Variants in CSNK1E observed in about 807,000 individuals in gnomAD.
CSNK1E encodes the protein casein kinase 1 epsilon.
In CSNK1E, 17 loss-of-function variants were observed where a neutral mutation model predicts 46.1. The ratio of observed to expected loss-of-function variants is 0.37; its 90% CI spans 0.25 to 0.55. CSNK1E has a LOEUF of 0.55. Ranked by LOEUF, CSNK1E falls within the 20% of genes least tolerant of loss-of-function variation. CSNK1E has a pLI of 0.82. For missense variants in CSNK1E, 386 were observed against 595.4 expected (o/e 0.65, Z 3.66); for synonymous variants, 241 against 242.6 (o/e 0.99, Z 0.06).
Position 38,302,216 on chromosome 22 carries a change from G to GCCAGA in CSNK1E, c.336+640_336+644dup, listed in dbSNP as rs139510031. On this transcript the variant is annotated intron_variant, in intron 4 of 10. Transcript: ENST00000396832. ...GCAGGCTTTACATTACCCAGGGCAGGCCAGACGTGGTGGATCATGCCTGTG... is the reference window on the plus strand; with the variant it reads ...GCAGGCTTTACATTACCCAGGGCAGGCCAGACCAGACGTGGTGGATCATGCCTGTG... 5.4e-3 allele frequency among the ~76,000 whole-genome samples: 800 copies of GCCAGA among 148,340 alleles called. 11 individuals are homozygous for GCCAGA. Among genetic ancestry groups the GCCAGA allele is most frequent in the African/African-American group, 0.019 (763 of 40,028 alleles).
chr22:38,310,367 G>T (rs1193628091), intron 2 of CSNK1E, among the ~76,000 whole-genome samples: 2 of 152,246 alleles, frequency 1.3e-5, no homozygotes, highest in East Asian at 3.9e-4. Context: ...CCACGGGCGT[G>T]GCCAGCCTCA....
In CSNK1E at chr22:38,294,460, T is replaced by A; in HGVS notation, c.960A>T (p.Leu320=). ...GCAGGGCTCGGGTCGCGGACCCCCG[T>A]AGCTGCCCCATCCTCTCCTCGCGTT... is the stretch of plus-strand genomic sequence containing the variant. The part of the protein sequence containing the change: ...EHEREERMGQ[L]RGSATRALPP... Residue 320 remains leucine (L), a synonymous_variant, in exon 8 of 11, where the codon CTA becomes CTT. Transcript: ENST00000396832. The surrounding 1 kb of genome is among the most constrained non-coding windows in gnomAD (Gnocchi z 5.5). 1 of 1,583,796 alleles carries A rather than the reference T, an allele frequency of 6.3e-7. No homozygotes were observed. The highest frequency in any genetic ancestry group is 8.6e-7 in the Non-Finnish European group (1 of 1,166,916).
chr22:38,304,553 G>A (rs2092689514), intron 2 of CSNK1E, among the ~76,000 whole-genome samples: 1 of 152,164 alleles, frequency 6.6e-6, no homozygotes, highest in African/African-American at 2.4e-5. Flanking sequence ...GGACACAGGA[G>A]CAAACAGCCC....
intron 9 of CSNK1E, 71 bp from the exon 10 acceptor site, chr22:38,293,390 A>T (rs1602538469): frequency 1.0e-6 from 1 of 964,160 alleles, no homozygotes; most frequent in East Asian, 2.4e-5. Flanking sequence ...CAAGTCCCTT[A>T]GCCGCTGGCG....
chr22:38,304,464 A>G (rs1194780904), intron 2 of CSNK1E, among the ~76,000 whole-genome samples: 1 of 152,142 alleles, frequency 6.6e-6, no homozygotes, highest in African/African-American at 2.4e-5. Context: ...GAACATAAAC[A>G]AACGCTCGCC....
chr22:38,304,620 C>T (rs896818213), intron 2 of CSNK1E, among the ~76,000 whole-genome samples: 9 of 152,104 alleles, frequency 5.9e-5, no homozygotes, highest in Admixed American at 4.6e-4. Flanking sequence ...GAATCCCAGG[C>T]GGCAGTGAAG....
In CSNK1E at chr22:38,294,177, C is replaced by T; in HGVS notation, c.1150G>A (p.Ala384Thr). 6.2e-7 allele frequency: 1 copy of T among 1,612,394 alleles called. No individual in the cohort carries two copies. Among genetic ancestry groups the T allele is most frequent in the Non-Finnish European group, 8.5e-7 (1 of 1,179,822 alleles). Residue 384 changes from alanine (A) to threonine (T), a missense_variant, in exon 9 of 11, where the codon GCG becomes ACG. By Grantham distance (58) the Ala-to-Thr change is moderately conservative. Around this residue, in one of 2 missense-constraint regions of CSNK1E, gnomAD observed 174 missense variants for 185.2 expected, o/e 0.94. Transcript: ENST00000396832. This position sits in a 1 kb window ranked among gnomAD's most constrained non-coding sequence, Gnocchi z 5.5. ...TCTGAGGAGGAGACGTTGGCGGGCG[C>T]ACCCCTGTGCAGCCTCATACTCACC... Reference protein sequence around the residue: ...RKVSMRLHRGAPANVSSSDLT... With the variant: ...RKVSMRLHRGTPANVSSSDLT...
chr22:38,299,996 G>A lies in CSNK1E; in HGVS notation c.635C>T (p.Pro212Leu). The A allele has an allele frequency of 6.2e-7, 1 of 1,614,162 alleles. No homozygotes were observed. The highest frequency in any genetic ancestry group is 8.5e-7 in the Non-Finnish European group (1 of 1,180,034). Residue 212 changes from proline (P) to leucine (L), a missense_variant, in exon 6 of 11, where the codon CCC becomes CTC. By Grantham distance (98) the Pro-to-Leu change is moderately conservative. This residue lies in a region of CSNK1E where 212 missense variants were observed against 410.2 expected (regional missense o/e 0.52). Transcript: ENST00000396832. ...GGTGGCTGCTTTGAGCCCCTGCCAG[G>A]GCAGGGAGCCCAGGTTGAAGTACAT... ...VLMYFNLGSL[P>L]WQGLKAATKR...
rs1169097621 is a variant in CSNK1E at position 38,303,095 on chromosome 22, C to A, written c.187+43G>T. ...CCCACCCTGTGCTCATGGCTGCCCACCGCCACCCACCCGGCGCCCGCCGCC... is the reference window on the plus strand; with the variant it reads ...CCCACCCTGTGCTCATGGCTGCCCAACGCCACCCACCCGGCGCCCGCCGCC... On this transcript the variant is annotated intron_variant, in intron 3 of 10. Coordinates refer to ENST00000396832, the MANE Select transcript of CSNK1E (RefSeq NM_152221.3). This position sits in a 1 kb window ranked among gnomAD's most constrained non-coding sequence, Gnocchi z 4.7. 6.3e-7 allele frequency: 1 copy of A among 1,595,268 alleles called. No individual in the cohort carries two copies.
Position 38,294,006 on chromosome 22 carries a change from A to G in CSNK1E, c.1218+103T>C, listed in dbSNP as rs1007133860. ...AGAAGGGGTTCACTCCAAGGCAAGC[A>G]GCGTCGATGGAAAGGGAAGAACAGA... On this transcript the variant is annotated intron_variant, in intron 9 of 10. Transcript: ENST00000396832. The surrounding 1 kb of genome is among the most constrained non-coding windows in gnomAD (Gnocchi z 5.5). 3 of 1,357,162 alleles carry G rather than the reference A, an allele frequency of 2.2e-6. No homozygotes were observed. Among genetic ancestry groups the G allele is most frequent in the Admixed American group, 2.2e-5 (1 of 45,322 alleles). The allele number at this position is 1,357,162 out of a possible 1,614,324, so 84.1% of individuals were successfully genotyped here. A position where few individuals can be genotyped will look rare whatever the true frequency, so the allele number is the denominator to read the frequency against.
Position 38,294,464 on chromosome 22 carries a change from T to A in CSNK1E, c.956A>T (p.Gln319Leu). The change falls in exon 8 of 11, where the codon CAG (glutamine) becomes CTG (leucine). Residue 319 changes from glutamine (Q) to leucine (L), a missense_variant. Gln to Leu is a moderately radical substitution (Grantham distance 113). Coordinates refer to ENST00000396832, the MANE Select transcript of CSNK1E (RefSeq NM_152221.3). The surrounding 1 kb of genome is among the most constrained non-coding windows in gnomAD (Gnocchi z 5.5). ...REHEREERMG[Q>L]LRGSATRALP... ...GGCTCGGGTCGCGGACCCCCGTAGC[T>A]GCCCCATCCTCTCCTCGCGTTCGTG... The A allele has an allele frequency of 6.3e-7, 1 of 1,585,680 alleles. No homozygotes were observed. Among genetic ancestry groups the A allele is most frequent in the Non-Finnish European group, 8.6e-7 (1 of 1,167,878 alleles).
chr22:38,301,437 A>G (rs980585817), intron 4 of CSNK1E, among the ~76,000 whole-genome samples: 3 of 151,806 alleles, frequency 2.0e-5, no homozygotes, highest in East Asian at 1.9e-4. Flanking sequence ...CTTTCCTTTG[A>G]TATTTTTTTT....
At chr22:38,293,831 C>T in intron 9 of CSNK1E, 4 of 511,418 alleles carry the variant, frequency 7.8e-6, no homozygotes, top group Non-Finnish European at 1.4e-5. Context: ...CCCCTGCTGC[C>T]CACCCTGGCT....
chr22:38,296,520 C>A, intron 7 of CSNK1E: 1 of 1,598,314 alleles, frequency 6.3e-7, no homozygotes, highest in Non-Finnish European at 8.5e-7. Flanking sequence ...CAGGGGACTG[C>A]TGGAGGTGGT....
chr22:38,300,725 A>G lies in CSNK1E; in HGVS notation c.564T>C (p.Ile188=). Residue 188 remains isoleucine, a splice_region_variant and synonymous_variant, in exon 5 of 11, where the codon ATT becomes ATC. Coordinates refer to ENST00000396832, the MANE Select transcript of CSNK1E (RefSeq NM_152221.3). The surrounding 1 kb of genome is among the most constrained non-coding windows in gnomAD (Gnocchi z 4.4). ...CTGCTCCAGGCCTGGCTCCCTCACC[A>G]ATGCCCAGGTGCGTGTTGATGGAAG... ...RYASINTHLG[I]EQSRRDDLES... is the part of the protein sequence containing the mutation. The G allele has an allele frequency of 6.2e-7, 1 of 1,614,006 alleles. No individual in the cohort carries two copies. Among genetic ancestry groups the G allele is most frequent in the Non-Finnish European group, 8.5e-7 (1 of 1,179,902 alleles).
intron 2 of CSNK1E, among the ~76,000 whole-genome samples, chr22:38,313,131 G>A (rs1160303062): frequency 6.6e-6 from 1 of 152,166 alleles, no homozygotes; most frequent in African/African-American, 2.4e-5. Context: ...CCTAACCATG[G>A]GGTAACAGAA....
chr22:38,299,554 C>T (rs779549143), intron 6 of CSNK1E, among the ~76,000 whole-genome samples: 48 of 152,232 alleles, frequency 3.2e-4, no homozygotes, highest in Admixed American at 2.2e-3. Flanking sequence ...GATGATGTCT[C>T]GCTCTGTCAC....
intron 2 of CSNK1E, among the ~76,000 whole-genome samples, chr22:38,307,830 G>A (rs973948623): frequency 3.3e-5 from 5 of 152,150 alleles, no homozygotes; most frequent in Non-Finnish European, 7.4e-5. Flanking sequence ...TCGAGTAGCT[G>A]GACTACAGGC....
chr22:38,310,162 G>A (rs981368244), intron 2 of CSNK1E, among the ~76,000 whole-genome samples: 8 of 152,174 alleles, frequency 5.3e-5, no homozygotes, highest in African/African-American at 1.4e-4. Context: ...TCTGGGAGCC[G>A]GCTGAGCATA....
Sources: allele counts gnomAD v4.1 joint callset (sites outside exome capture counted in the v4.1 genomes callset), GRCh38; gene constraint gnomAD v4.1.1; regional missense constraint gnomAD v4.1.1; non-coding constraint Gnocchi (gnomAD v3.1); transcripts MANE v1.5; gene names NCBI Gene and HGNC (gene_info 2026-07-23, HGNC 2026-07-21).